The following CDH4 variants were observed in gnomAD, a reference collection of about 807,000 sequenced individuals.
CDH4 encodes the protein cadherin 4.
A neutral mutation model predicts 86.0 loss-of-function variants in CDH4; 33 were observed. That is an observed-to-expected ratio of 0.38 (90% CI 0.29 to 0.51). The LOEUF is 0.51. CDH4 is among the 20% of genes least tolerant of loss of function. CDH4 has a pLI of 0.86. For synonymous variants in CDH4, 555 were observed against 549.4 expected (o/e 1.01, Z -0.14); for missense variants, 1,114 against 1,307.4 (o/e 0.85, Z 2.28).
At chr20:61,935,450 A>G (rs1156596923) in intron 15 of CDH4, among the ~76,000 whole-genome samples, 1 of 152,196 alleles carries the variant, frequency 6.6e-6, no homozygotes, top group Non-Finnish European at 1.5e-5. Context: ...CCCAGTCTAT[A>G]ATTAATTTAG....
chr20:61,680,643 A>G (rs1385474474), intron 2 of CDH4, among the ~76,000 whole-genome samples: 1 of 152,156 alleles, frequency 6.6e-6, no homozygotes, highest in Non-Finnish European at 1.5e-5. Flanking sequence ...TTCTAAAGAA[A>G]TGGTTCCCTG....
intron 7 of CDH4, among the ~76,000 whole-genome samples, chr20:61,891,726 G>A (rs1984829979): frequency 6.6e-6 from 1 of 152,204 alleles, no homozygotes; most frequent in African/African-American, 2.4e-5. Context: ...TGGGTGGGAG[G>A]CCTTGTGGAA....
intron 2 of CDH4, among the ~76,000 whole-genome samples, chr20:61,492,343 A>G (rs1269819452): frequency 7.3e-6 from 1 of 137,412 alleles, no homozygotes; most frequent in African/African-American, 2.8e-5. Context: ...TGTGATGTTG[A>G]TGTTGATGGT....
At chr20:61,315,095 C>G (rs753867748) in intron 2 of CDH4, among the ~76,000 whole-genome samples, 1 of 152,182 alleles carries the variant, frequency 6.6e-6, no homozygotes, top group African/African-American at 2.4e-5. Context: ...CAGCTGGAAG[C>G]TCCATGCCAG....
At chr20:61,361,792 C>T (rs996433518) in intron 2 of CDH4, among the ~76,000 whole-genome samples, 1 of 152,166 alleles carries the variant, frequency 6.6e-6, no homozygotes, top group Non-Finnish European at 1.5e-5. Flanking sequence ...GAGGAGGTGC[C>T]GTGGTGCGGA....
At chr20:61,310,992 G>A (rs949129094) in intron 2 of CDH4, among the ~76,000 whole-genome samples, 1 of 152,126 alleles carries the variant, frequency 6.6e-6, no homozygotes, top group African/African-American at 2.4e-5. Context: ...GGGGACACAG[G>A]TCAGCCCTAA....
intron 2 of CDH4, among the ~76,000 whole-genome samples, chr20:61,580,900 C>T (rs116045127): frequency 0.016 from 2,377 of 152,310 alleles, 64 homozygotes; most frequent in African/African-American, 0.054. Flanking sequence ...TTGCAAGTCC[C>T]ACACCCCAAC....
chr20:61,641,011 G>A (rs6061690), intron 2 of CDH4, among the ~76,000 whole-genome samples: 94,212 of 151,472 alleles, frequency 0.62, 29,727 homozygotes, highest in African/African-American at 0.73. Context: ...TTTGCTGCAC[G>A]TGGCTGGGCA....
chr20:61,742,786 C>T (rs1600937235), intron 2 of CDH4, among the ~76,000 whole-genome samples: 1 of 152,172 alleles, frequency 6.6e-6, no homozygotes, highest in African/African-American at 2.4e-5. Flanking sequence ...TTAGAGATGG[C>T]CATGATGCTG....
chr20:61,432,872 T>A (rs1403763535), intron 2 of CDH4, among the ~76,000 whole-genome samples: 1 of 145,848 alleles, frequency 6.9e-6, no homozygotes, highest in Non-Finnish European at 1.5e-5. Context: ...AGAGTCTTGC[T>A]CTGTTGCCCA....
At chr20:61,315,169 A>G (rs1419354070) in intron 2 of CDH4, among the ~76,000 whole-genome samples, 1 of 151,702 alleles carries the variant, frequency 6.6e-6, no homozygotes, top group Admixed American at 6.6e-5. Flanking sequence ...CCTGAAGCTC[A>G]TCTCATTTCT....
At chr20:61,361,655 G>C (rs1336028217) in intron 2 of CDH4, among the ~76,000 whole-genome samples, 1 of 152,218 alleles carries the variant, frequency 6.6e-6, no homozygotes, top group African/African-American at 2.4e-5. Flanking sequence ...CATCCGCTGA[G>C]CAGCAGGTGA....
chr20:61,833,986 G>A (rs1306920884), intron 4 of CDH4, among the ~76,000 whole-genome samples: 4 of 152,230 alleles, frequency 2.6e-5, no homozygotes, highest in African/African-American at 7.2e-5. Flanking sequence ...CTTCCTATTG[G>A]CCCAGCGTGG....
intron 2 of CDH4, among the ~76,000 whole-genome samples, chr20:61,673,496 C>A (rs1022879282): frequency 2.0e-5 from 3 of 152,228 alleles, no homozygotes; most frequent in African/African-American, 7.2e-5. Flanking sequence ...AGTTGAGGAG[C>A]CTGGCGGTTT....
chr20:61,570,395 G>C, intron 2 of CDH4: 1 of 420,134 alleles, frequency 2.4e-6, no homozygotes, highest in Non-Finnish European at 4.3e-6. Context: ...GACCAGACGG[G>C]CCTGGCTGCA....
intron 2 of CDH4, among the ~76,000 whole-genome samples, chr20:61,530,844 T>C (rs1462357422): frequency 6.6e-6 from 1 of 152,068 alleles, no homozygotes; most frequent in Non-Finnish European, 1.5e-5. Context: ...CTTGCAGCCT[T>C]CTTCACTGTT....
chr20:61,290,875 T>C (rs1461373854), intron 2 of CDH4, among the ~76,000 whole-genome samples: 1 of 152,150 alleles, frequency 6.6e-6, no homozygotes, highest in Non-Finnish European at 1.5e-5. Flanking sequence ...AATCTAAGGG[T>C]CTGATGTTAG....
chr20:61,492,704 G>A (rs929444952), intron 2 of CDH4, among the ~76,000 whole-genome samples: 1 of 152,202 alleles, frequency 6.6e-6, no homozygotes, highest in African/African-American at 2.4e-5. Flanking sequence ...ACAGTCTGGG[G>A]TGGGGGCCAG....
At chr20:61,814,358 G>A (rs1300205973) in intron 4 of CDH4, among the ~76,000 whole-genome samples, 1 of 152,180 alleles carries the variant, frequency 6.6e-6, no homozygotes, top group Non-Finnish European at 1.5e-5. Flanking sequence ...ACACCTGAAG[G>A]GCCCTGGAAA....
Sources: gnomAD v4.1 joint callset for allele counts (sites outside exome capture counted in the v4.1 genomes callset) on GRCh38, gnomAD v4.1.1 for gene constraint, MANE v1.5 for transcripts, NCBI Gene and HGNC (gene_info 2026-07-23, HGNC 2026-07-21) for gene names.